Variants in ITPR1 observed in about 807,000 individuals in gnomAD.
ITPR1 encodes the protein inositol 1,4,5-trisphosphate-gated calcium channel ITPR1.
A neutral mutation model predicts 318.4 loss-of-function variants in ITPR1; 96 were observed. The observed-to-expected ratio is 0.30, with a 90% confidence interval of 0.26 to 0.36. The LOEUF is 0.36. ITPR1 is among the 10% of genes least tolerant of loss of function. The pLI is 1.00. For missense variants in ITPR1, 2,440 were observed against 3,460.2 expected (o/e 0.71, Z 7.40); for synonymous variants, 1,312 against 1,289.9 (o/e 1.02, Z -0.37).
At position 4,826,416 on chromosome 3, in the gene ITPR1, T is replaced by C. The variant is rs1210972451; in HGVS notation, c.8028+8174T>C. On this transcript the variant is annotated intron_variant, in intron 60 of 61. Coordinates refer to ENST00000649015, the MANE Select transcript of ITPR1 (RefSeq NM_001378452.1). The surrounding 1 kb of genome is among the most constrained non-coding windows in gnomAD (Gnocchi z 4.2). ...TGCCTGCCAAATACGATTCCCAGAATGCCCCCTGAAGTTAGCTGGCACCAC... is the reference window on the plus strand; with the variant it reads ...TGCCTGCCAAATACGATTCCCAGAACGCCCCCTGAAGTTAGCTGGCACCAC... 6.6e-6 allele frequency among the ~76,000 whole-genome samples: 1 copy of C among 152,190 alleles called. No homozygotes were observed. Among genetic ancestry groups the C allele is most frequent in the East Asian group, 1.9e-4 (1 of 5,192 alleles).
chr3:4,631,513 G>T (rs1386516401), intron 5 of ITPR1, among the ~76,000 whole-genome samples: 3 of 151,900 alleles, frequency 2.0e-5, no homozygotes, highest in African/African-American at 2.4e-5. Context: ...CTCTTTTAAA[G>T]AATTTTAAAA....
chr3:4,799,258 A>G (rs1217732503), intron 53 of ITPR1, among the ~76,000 whole-genome samples: 1 of 152,236 alleles, frequency 6.6e-6, no homozygotes, highest in Admixed American at 6.5e-5. Flanking sequence ...ACGATGTCTA[A>G]CAATTGTTAA....
chr3:4,795,864 A>G (rs1224429743), intron 53 of ITPR1, among the ~76,000 whole-genome samples: 2 of 152,200 alleles, frequency 1.3e-5, no homozygotes, highest in Admixed American at 1.3e-4. Flanking sequence ...GGGCCCCTCG[A>G]CAAGCATTCA....
intron 4 of ITPR1, among the ~76,000 whole-genome samples, chr3:4,607,529 G>C (rs1334140967): frequency 6.6e-6 from 1 of 152,172 alleles, no homozygotes; most frequent in East Asian, 1.9e-4. Context: ...TTGCAAGAGA[G>C]AGAGTTTTAT....
chr3:4,746,575 A>G (rs2044124388), intron 44 of ITPR1, among the ~76,000 whole-genome samples: 1 of 152,186 alleles, frequency 6.6e-6, no homozygotes, highest in Admixed American at 6.5e-5. Context: ...CATTTACTGT[A>G]GTAATGACCA....
At chr3:4,839,774 A>G (rs1349229093) in intron 61 of ITPR1, among the ~76,000 whole-genome samples, 1 of 152,266 alleles carries the variant, frequency 6.6e-6, no homozygotes, top group African/African-American at 2.4e-5. Flanking sequence ...TCATTAAGTG[A>G]CATTAAAACC....
At chr3:4,764,494 C>T (rs868302333) in intron 44 of ITPR1, among the ~76,000 whole-genome samples, 45 of 152,366 alleles carry the variant, frequency 3.0e-4, no homozygotes, top group Middle Eastern at 3.4e-3. Context: ...AGAGCTTGCA[C>T]TCTGCATAAG....
At chr3:4,504,744 C>A (rs2081280016) in intron 2 of ITPR1, among the ~76,000 whole-genome samples, 1 of 152,120 alleles carries the variant, frequency 6.6e-6, no homozygotes, top group Admixed American at 6.5e-5. Context: ...GGAACAGGAG[C>A]AGAGACTGTT....
At chr3:4,709,124 T>C (rs3804994) in intron 37 of ITPR1, among the ~76,000 whole-genome samples, 100,250 of 152,028 alleles carry the variant, frequency 0.66, 35,954 homozygotes, top group East Asian at 0.86. Context: ...GAATATTGAC[T>C]GGGTGCTTCC....
chr3:4,719,359 C>T (rs944572852), intron 40 of ITPR1, among the ~76,000 whole-genome samples: 5 of 152,208 alleles, frequency 3.3e-5, no homozygotes, highest in African/African-American at 1.2e-4. Context: ...AGCGGAGATG[C>T]CTCCTTGGCC....
intron 4 of ITPR1, among the ~76,000 whole-genome samples, chr3:4,585,459 CAG>C (rs2089796728): frequency 6.6e-6 from 1 of 151,980 alleles, no homozygotes; most frequent in Admixed American, 6.6e-5. Context: ...TATTTTGAGA[CAG>C]AGTCTCACTC....
chr3:4,701,060 A>G (rs1490661555), intron 35 of ITPR1, among the ~76,000 whole-genome samples: 2 of 152,210 alleles, frequency 1.3e-5, no homozygotes, highest in Non-Finnish European at 2.9e-5. Flanking sequence ...ACACAGTCAA[A>G]TCATATCCCA....
At chr3:4,609,089 T>TATATATATATATACACAC (rs1171860541) in intron 4 of ITPR1, among the ~76,000 whole-genome samples, 37 of 91,910 alleles carry the variant, frequency 4.0e-4, no homozygotes, top group African/African-American at 1.4e-3. Context: ...TATATATATA[T>TATATATATATATACACAC]ACACACACAC....
intron 2 of ITPR1, among the ~76,000 whole-genome samples, chr3:4,508,830 G>A (rs2081586287): frequency 6.6e-6 from 1 of 152,172 alleles, no homozygotes; most frequent in Non-Finnish European, 1.5e-5. Context: ...CTTTGGTATT[G>A]TGAGTTTGGG....
intron 19 of ITPR1, among the ~76,000 whole-genome samples, chr3:4,670,195 A>C (rs1232096803): frequency 6.6e-6 from 1 of 152,200 alleles, no homozygotes; most frequent in Non-Finnish European, 1.5e-5. Context: ...TTTTGTTACC[A>C]GTAGTAATTC....
At chr3:4,794,626 C>T (rs2047777780) in intron 52 of ITPR1, among the ~76,000 whole-genome samples, 1 of 152,162 alleles carries the variant, frequency 6.6e-6, no homozygotes, top group Non-Finnish European at 1.5e-5. Context: ...TGCTGTATCT[C>T]CCCCACCCCT....
At chr3:4,550,238 GCA>G (rs1278805797) in intron 4 of ITPR1, among the ~76,000 whole-genome samples, 2 of 152,080 alleles carry the variant, frequency 1.3e-5, no homozygotes, top group Admixed American at 1.3e-4. Context: ...GGGATTTCCA[GCA>G]CATGTGCTGT....
At chr3:4,814,287 A>T in intron 57 of ITPR1, 136 bp from the exon 58 acceptor site, 1 of 981,500 alleles carries the variant, frequency 1.0e-6, no homozygotes, top group Non-Finnish European at 1.6e-6. Flanking sequence ...AAAATAAGAA[A>T]ATTCTTGGCT....
chr3:4,798,568 C>G (rs924491182), intron 53 of ITPR1, among the ~76,000 whole-genome samples: 4 of 152,222 alleles, frequency 2.6e-5, no homozygotes, highest in Non-Finnish European at 4.4e-5. Context: ...TTAAACATAT[C>G]TGTAGGATCC....
Sources: allele counts gnomAD v4.1 joint callset (sites outside exome capture counted in the v4.1 genomes callset), GRCh38; gene constraint gnomAD v4.1.1; non-coding constraint Gnocchi (gnomAD v3.1); transcripts MANE v1.5; gene names NCBI Gene and HGNC (gene_info 2026-07-23, HGNC 2026-07-21).